Variants in GRID1 observed in about 807,000 individuals in gnomAD.
GRID1 encodes glutamate ionotropic receptor delta type subunit 1.
In GRID1, 28 loss-of-function variants were observed where a neutral mutation model predicts 98.0. That is an observed-to-expected ratio of 0.29 (90% confidence interval 0.21 to 0.39). GRID1 has a LOEUF of 0.39. Among genes scored for constraint, GRID1 ranks in the 10% least tolerant of loss-of-function variants. The pLI, the probability that GRID1 is intolerant of heterozygous loss-of-function variation, is 1.00. For missense variants in GRID1, 1,111 were observed against 1,340.5 expected (o/e 0.83, Z 2.67); for synonymous variants, 553 against 538.5 (o/e 1.03, Z -0.37).
intron 5 of GRID1, among the ~76,000 whole-genome samples, chr10:85,875,444 T>C (rs370019706): frequency 1.3e-5 from 2 of 152,212 alleles, no homozygotes; most frequent in African/African-American, 2.4e-5. Context: ...TTTACATCCA[T>C]ATTTGAATTT....
intron 8 of GRID1, among the ~76,000 whole-genome samples, chr10:85,732,938 C>A (rs941379316): frequency 1.3e-5 from 2 of 152,100 alleles, no homozygotes; most frequent in Admixed American, 1.3e-4. Context: ...ATATTTGTAT[C>A]TAGTTTTTCT....
chr10:86,201,256 A>T (rs372912884), intron 3 of GRID1, among the ~76,000 whole-genome samples: 12 of 152,340 alleles, frequency 7.9e-5, no homozygotes, highest in African/African-American at 2.6e-4. Context: ...CATCAAACGG[A>T]TCAATCTCAA....
At chr10:85,866,304 A>T (rs1054863627) in intron 6 of GRID1, among the ~76,000 whole-genome samples, 1 of 92,514 alleles carries the variant, frequency 1.1e-5, no homozygotes, top group Non-Finnish European at 2.4e-5. Context: ...AAATCACACC[A>T]AAAAAAAAAA....
At chr10:85,673,380 G>A (rs575274161) in intron 12 of GRID1, among the ~76,000 whole-genome samples, 72 of 152,188 alleles carry the variant, frequency 4.7e-4, no homozygotes, top group Non-Finnish European at 3.4e-4. Flanking sequence ...TGACTCCAAC[G>A]TTCACAGAAG....
intron 3 of GRID1, among the ~76,000 whole-genome samples, chr10:86,154,174 C>T (rs961672517): frequency 2.0e-5 from 3 of 152,176 alleles, no homozygotes; most frequent in African/African-American, 7.2e-5. Flanking sequence ...CCCCTCTCCT[C>T]CTCCCAAGGG....
At chr10:85,747,458 T>C (rs1219286699) in intron 8 of GRID1, among the ~76,000 whole-genome samples, 1 of 152,118 alleles carries the variant, frequency 6.6e-6, no homozygotes, top group East Asian at 1.9e-4. Context: ...TACATCTTAT[T>C]TGACATTCTG....
At chr10:85,920,268 C>T (rs1841684120) in intron 4 of GRID1, among the ~76,000 whole-genome samples, 1 of 152,146 alleles carries the variant, frequency 6.6e-6, no homozygotes, top group Non-Finnish European at 1.5e-5. Flanking sequence ...AGACAAACAC[C>T]TCCCACTTAG....
intron 8 of GRID1, among the ~76,000 whole-genome samples, chr10:85,784,787 T>C (rs1471464881): frequency 2.0e-5 from 3 of 152,222 alleles, no homozygotes; most frequent in African/African-American, 7.2e-5. Context: ...GAGGTGTGCA[T>C]GCTCTATGTG....
At position 85,916,514 on chromosome 10, in the gene GRID1, G is replaced by A. The variant is rs1841622990; in HGVS notation, c.727-275C>T. 6.6e-6 allele frequency among the ~76,000 whole-genome samples: 1 copy of A among 152,152 alleles called. No individual in the cohort carries two copies. Among genetic ancestry groups the A allele is most frequent in the South Asian group, 2.1e-4 (1 of 4,828 alleles). On this transcript the variant is annotated intron_variant, in intron 4 of 15. Transcript: ENST00000327946. This position sits in a 1 kb window ranked among gnomAD's most constrained non-coding sequence, Gnocchi z 4.0. ...TCCTGCAGGCAGCACAGGGTCACAGGCACAGGCACAGGCACAGCCCCCCTT... is the reference window on the plus strand; with the variant it reads ...TCCTGCAGGCAGCACAGGGTCACAGACACAGGCACAGGCACAGCCCCCCTT...
At chr10:86,193,472 T>C (rs1377055206) in intron 3 of GRID1, among the ~76,000 whole-genome samples, 1 of 152,030 alleles carries the variant, frequency 6.6e-6, no homozygotes, top group Non-Finnish European at 1.5e-5. Context: ...CCAGGGTCTC[T>C]AGGGAGAACC....
chr10:86,004,030 G>A lies in GRID1; in HGVS notation c.727-87791C>T, dbSNP rs548654158. On this transcript the variant is annotated intron_variant, in intron 4 of 15. Coordinates refer to ENST00000327946, the MANE Select transcript of GRID1 (RefSeq NM_017551.3). ...ACAGGAAGAAGGAAACTGTGCACAG[G>A]AATCCAATCAACAGATAATCCTCAC... Among the ~76,000 whole-genome samples the A allele has an allele frequency of 1.4e-3, 208 of 152,298 alleles. 1 individual carries two copies. Among genetic ancestry groups the A allele is most frequent in the Non-Finnish European group, 2.1e-3 (140 of 68,020 alleles).
chr10:86,233,260 A>G (rs1760211444), intron 2 of GRID1, among the ~76,000 whole-genome samples: 1 of 151,858 alleles, frequency 6.6e-6, no homozygotes, highest in East Asian at 1.9e-4. Flanking sequence ...GCAGCTTCTG[A>G]GAAGACTAGC....
chr10:86,273,772 T>C (rs1357995228), intron 2 of GRID1, among the ~76,000 whole-genome samples: 3 of 152,118 alleles, frequency 2.0e-5, no homozygotes, highest in Non-Finnish European at 4.4e-5. Flanking sequence ...TTGTTTTTTC[T>C]TGTAAATTTG....
intron 4 of GRID1, among the ~76,000 whole-genome samples, chr10:85,922,841 C>T (rs963543078): frequency 6.6e-6 from 1 of 152,126 alleles, no homozygotes; most frequent in Non-Finnish European, 1.5e-5. Context: ...CATGAGGAAA[C>T]CCCTAAAGAG....
At chr10:86,276,799 AT>A (rs1330735002) in intron 2 of GRID1, among the ~76,000 whole-genome samples, 2 of 152,138 alleles carry the variant, frequency 1.3e-5, no homozygotes, top group African/African-American at 4.8e-5. Context: ...CATCAATAAG[AT>A]TCGACATCCA....
intron 5 of GRID1, among the ~76,000 whole-genome samples, chr10:85,914,737 A>C (rs1841588445): frequency 6.6e-6 from 1 of 152,252 alleles, no homozygotes; most frequent in South Asian, 2.1e-4. Flanking sequence ...CTAATGAGGA[A>C]ACAGACATCA....
chr10:85,896,271 T>A (rs35050052), intron 5 of GRID1, among the ~76,000 whole-genome samples: 1 of 152,132 alleles, frequency 6.6e-6, no homozygotes, highest in African/African-American at 2.4e-5. Flanking sequence ...CTACCCAATA[T>A]AATAATCAGA....
intron 14 of GRID1, among the ~76,000 whole-genome samples, chr10:85,615,199 T>C (rs1414806717): frequency 1.3e-5 from 2 of 152,144 alleles, no homozygotes; most frequent in African/African-American, 4.8e-5. Context: ...TCCCAAGATG[T>C]GTCAGCATCA....
chr10:86,194,110 T>C (rs1845841817), intron 3 of GRID1, among the ~76,000 whole-genome samples: 1 of 152,084 alleles, frequency 6.6e-6, no homozygotes, highest in Admixed American at 6.6e-5. Flanking sequence ...CTTATTTTGG[T>C]AACTGGCATC....
Sources: gnomAD v4.1 joint callset for allele counts (sites outside exome capture counted in the v4.1 genomes callset) on GRCh38, gnomAD v4.1.1 for gene constraint, Gnocchi (gnomAD v3.1) non-coding constraint, MANE v1.5 for transcripts, NCBI Gene and HGNC (gene_info 2026-07-23, HGNC 2026-07-21) for gene names.